The following ADAMTSL1 variants were observed in gnomAD, a reference collection of about 807,000 sequenced individuals.
ADAMTSL1 encodes ADAMTS like 1, also known as ADAMTS-like protein 1.
In ADAMTSL1, 126 loss-of-function variants were observed where a neutral mutation model predicts 201.8. The ratio of observed to expected loss-of-function variants is 0.62; its 90% confidence interval spans 0.54 to 0.72. ADAMTSL1 has a LOEUF of 0.72. ADAMTSL1 is among the 30% of genes least tolerant of loss of function. ADAMTSL1 has a pLI of 0.00. For synonymous variants in ADAMTSL1, 1,121 were observed against 903.4 expected, an observed-to-expected ratio of 1.24 and a Z score of -4.32; for missense variants, 2,679 against 2,277.8, an observed-to-expected ratio of 1.18 and a Z score of -3.59.
intron 14 of ADAMTSL1, among the ~76,000 whole-genome samples, chr9:18,713,084 G>C (rs1310821226): frequency 6.6e-6 from 1 of 150,826 alleles, no homozygotes; most frequent in East Asian, 1.9e-4. Context: ...TGCCCTAAAA[G>C]AGCTCCTGAA....
chr9:18,205,456 C>T (rs571921491), intron 2 of ADAMTSL1, among the ~76,000 whole-genome samples: 52 of 151,996 alleles, frequency 3.4e-4, no homozygotes, highest in African/African-American at 1.2e-3. Flanking sequence ...TTATGTTCTC[C>T]CTTTGTTTTG....
At chr9:18,716,530 A>G (rs1442019329) in intron 14 of ADAMTSL1, among the ~76,000 whole-genome samples, 3 of 150,748 alleles carry the variant, frequency 2.0e-5, no homozygotes, top group Non-Finnish European at 4.4e-5. Context: ...AATCAAAACC[A>G]CAATGAGATA....
chr9:18,844,892 A>G (rs1283525711), intron 23 of ADAMTSL1, among the ~76,000 whole-genome samples: 1 of 152,188 alleles, frequency 6.6e-6, no homozygotes, highest in Non-Finnish European at 1.5e-5. Context: ...CCTGTCGGAA[A>G]AGCGCAGTAT....
intron 10 of ADAMTSL1, 62 bp from the exon 11 acceptor site, chr9:18,680,250 C>G (rs1830380953): frequency 6.6e-7 from 1 of 1,517,962 alleles, no homozygotes; most frequent in African/African-American, 1.4e-5. Context: ...GTTGGTGGAC[C>G]AGTCACTGAG....
intron 2 of ADAMTSL1, among the ~76,000 whole-genome samples, chr9:18,409,437 A>G (rs1458177616): frequency 6.6e-6 from 1 of 151,438 alleles, no homozygotes; most frequent in Non-Finnish European, 1.5e-5. Context: ...CTGACATCCA[A>G]AGAAATGAGG....
intron 23 of ADAMTSL1, among the ~76,000 whole-genome samples, chr9:18,852,824 A>T (rs1826584431): frequency 6.6e-6 from 1 of 152,172 alleles, no homozygotes; most frequent in Admixed American, 6.5e-5. Flanking sequence ...AAATATATAA[A>T]AACAGTTTGT....
At position 18,684,956 on chromosome 9, in the gene ADAMTSL1, A is replaced by C. The variant is rs1402168607; in HGVS notation, c.1574+156A>C. ...AAATTAAAGATTGATTAGTTTCAAAAAGTGTTTGTCAAAGCTGATGATTGC... is the reference window on the plus strand; with the variant it reads ...AAATTAAAGATTGATTAGTTTCAAACAGTGTTTGTCAAAGCTGATGATTGC... On this transcript the variant is annotated intron_variant, in intron 13 of 28. Coordinates refer to ENST00000380548, the MANE Select transcript of ADAMTSL1 (RefSeq NM_001040272.6). 4 of 1,394,952 alleles carry C rather than the reference A, an allele frequency of 2.9e-6. No homozygotes were observed. In the African/African-American group the frequency reaches 4.4e-5, roughly 15 times the overall value. 86.4% of individuals were successfully genotyped at this position (1,394,952 alleles called of 1,614,324 possible). A position where few individuals can be genotyped will look rare whatever the true frequency, so the allele number is the denominator to read the frequency against.
chr9:18,231,774 T>G (rs1008942473), intron 2 of ADAMTSL1, among the ~76,000 whole-genome samples: 1 of 152,212 alleles, frequency 6.6e-6, no homozygotes, highest in African/African-American at 2.4e-5. Flanking sequence ...TAGTAGCTAC[T>G]CTATCTTTCT....
chr9:18,305,124 G>A (rs935858276), intron 2 of ADAMTSL1, among the ~76,000 whole-genome samples: 1 of 152,152 alleles, frequency 6.6e-6, no homozygotes, highest in Non-Finnish European at 1.5e-5. Flanking sequence ...CCCTCTCCTA[G>A]ACAAGGGAAG....
intron 3 of ADAMTSL1, among the ~76,000 whole-genome samples, chr9:18,551,961 A>T (rs927193035): frequency 6.6e-6 from 1 of 151,716 alleles, no homozygotes; most frequent in Non-Finnish European, 1.5e-5. Context: ...TGCATCTCTA[A>T]TGGTGTTTGG....
At chr9:18,822,089 C>A (rs148666175) in intron 21 of ADAMTSL1, among the ~76,000 whole-genome samples, 1 of 152,038 alleles carries the variant, frequency 6.6e-6, no homozygotes, top group Non-Finnish European at 1.5e-5. Flanking sequence ...TCTTTTCCTT[C>A]GCTGTTTTAA....
At chr9:17,962,108 G>T (rs1817781108) in intron 1 of ADAMTSL1, among the ~76,000 whole-genome samples, 1 of 152,154 alleles carries the variant, frequency 6.6e-6, no homozygotes, top group African/African-American at 2.4e-5. Context: ...GCTGGAGATT[G>T]GACTCACATG....
intron 23 of ADAMTSL1, among the ~76,000 whole-genome samples, chr9:18,841,686 A>C (rs1825725246): frequency 6.6e-6 from 1 of 152,150 alleles, no homozygotes; most frequent in Non-Finnish European, 1.5e-5. Context: ...TTTGGTTGGT[A>C]AGCTATTGAT....
At chr9:18,276,739 C>G (rs1832603202) in intron 2 of ADAMTSL1, among the ~76,000 whole-genome samples, 1 of 152,020 alleles carries the variant, frequency 6.6e-6, no homozygotes, top group Non-Finnish European at 1.5e-5. Flanking sequence ...GTAAGAGGTG[C>G]CAAGTTATTT....
chr9:17,970,088 A>G (rs993785890), intron 1 of ADAMTSL1, among the ~76,000 whole-genome samples: 1 of 152,008 alleles, frequency 6.6e-6, no homozygotes, highest in Non-Finnish European at 1.5e-5. Context: ...TATGTTTCTA[A>G]TTGGGTATTA....
rs1833002385 is a variant in ADAMTSL1, at chr9:18,286,581, T to C, written c.207+122600T>C. ...TCTATAGCAGTTTATGGTTTTCAGA[T>C]ATAATCATTTTAATGCAGCAGTCCA... On this transcript the variant is annotated intron_variant, in intron 2 of 29. Transcript: ENST00000680146. Among the ~76,000 whole-genome samples the C allele has an allele frequency of 1.7e-5, 2 of 120,424 alleles. 1 individual carries two copies. Among genetic ancestry groups the C allele is most frequent in the Non-Finnish European group, 3.8e-5 (2 of 53,170 alleles). 79.0% of individuals were successfully genotyped at this position (120,424 alleles called of 152,430 possible).
intron 1 of ADAMTSL1, among the ~76,000 whole-genome samples, chr9:17,933,903 C>A (rs1826900096): frequency 6.6e-6 from 1 of 152,146 alleles, no homozygotes. Context: ...ACTGCATCAA[C>A]ACTCAACCTC....
chr9:17,943,071 A>G (rs1300994656), intron 1 of ADAMTSL1, among the ~76,000 whole-genome samples: 1 of 151,934 alleles, frequency 6.6e-6, no homozygotes, highest in African/African-American at 2.4e-5. Context: ...AGAGGTGTGC[A>G]CTACTATGCC....
chr9:18,622,056 T>G (rs1826067999), intron 4 of ADAMTSL1, among the ~76,000 whole-genome samples, 187 bp from the exon 5 acceptor site: 1 of 152,186 alleles, frequency 6.6e-6, no homozygotes, highest in Non-Finnish European at 1.5e-5. Flanking sequence ...TGAAAACATC[T>G]TTACCCATGC....
Sources: allele counts gnomAD v4.1 joint callset (sites outside exome capture counted in the v4.1 genomes callset), GRCh38; gene constraint gnomAD v4.1.1; transcripts MANE v1.5; gene names NCBI Gene and HGNC (gene_info 2026-07-23, HGNC 2026-07-21).